GRID2: variants seen among roughly 807,000 people sequenced by gnomAD.
GRID2 encodes glutamate receptor ionotropic, delta-2.
A neutral mutation model predicts 114.8 loss-of-function variants in GRID2; 33 were observed. That is an observed-to-expected ratio of 0.29 (90% CI 0.22 to 0.38). The LOEUF (loss-of-function observed/expected upper bound fraction) is 0.38. Among genes scored for constraint, GRID2 ranks in the 10% least tolerant of loss-of-function variants. The pLI is 1.00. For synonymous variants in GRID2, 505 were observed against 449.9 expected, an observed-to-expected ratio of 1.12 and a Z score of -1.55; for missense variants, 1,184 against 1,257.7, an observed-to-expected ratio of 0.94 and a Z score of 0.89.
chr4:92,750,165 C>T (rs539008003), intron 2 of GRID2, among the ~76,000 whole-genome samples: 2 of 152,088 alleles, frequency 1.3e-5, no homozygotes, highest in Non-Finnish European at 2.9e-5. Context: ...CTGGCCCGGG[C>T]GCCTCACATT....
chr4:92,620,266 G>C (rs1730205518), intron 2 of GRID2, among the ~76,000 whole-genome samples: 1 of 151,702 alleles, frequency 6.6e-6, no homozygotes, highest in South Asian at 2.1e-4. Context: ...TCAGGGAAAA[G>C]AAAATAGCTG....
chr4:93,175,363 G>T (rs1261448057), intron 4 of GRID2, among the ~76,000 whole-genome samples: 1 of 152,038 alleles, frequency 6.6e-6, no homozygotes, highest in Admixed American at 6.6e-5. Flanking sequence ...TACAGACGAG[G>T]TTTCATCATG....
intron 13 of GRID2, among the ~76,000 whole-genome samples, chr4:93,595,734 G>T (rs974906541): frequency 2.0e-5 from 3 of 152,076 alleles, no homozygotes; most frequent in Non-Finnish European, 4.4e-5. Context: ...TAATATTACC[G>T]TGAAAATATT....
intron 8 of GRID2, among the ~76,000 whole-genome samples, chr4:93,250,083 T>C (rs184404593): frequency 1.1e-4 from 16 of 152,230 alleles, no homozygotes; most frequent in African/African-American, 3.6e-4. Flanking sequence ...TAGCAAAGAT[T>C]TGGAACTAGC....
chr4:93,128,877 T>A (rs1734540663), intron 4 of GRID2, among the ~76,000 whole-genome samples: 1 of 152,126 alleles, frequency 6.6e-6, no homozygotes, highest in Non-Finnish European at 1.5e-5. Context: ...ATTTGATGAG[T>A]AGAACTTACG....
At chr4:92,555,432 A>G (rs1726805370) in intron 1 of GRID2, among the ~76,000 whole-genome samples, 1 of 152,188 alleles carries the variant, frequency 6.6e-6, no homozygotes, top group Non-Finnish European at 1.5e-5. Flanking sequence ...CTTCAATTTC[A>G]TTAAGGATAG....
intron 8 of GRID2, among the ~76,000 whole-genome samples, chr4:93,331,533 T>G (rs1758455061): frequency 6.6e-6 from 1 of 152,042 alleles, no homozygotes; most frequent in Non-Finnish European, 1.5e-5. Context: ...ATTTGTTATG[T>G]GTATTATCTG....
intron 1 of GRID2, among the ~76,000 whole-genome samples, chr4:92,423,742 T>G (rs1579335080): frequency 6.6e-6 from 1 of 152,186 alleles, no homozygotes. Flanking sequence ...CAGAGGGTAG[T>G]TGGGTGCAAG....
intron 2 of GRID2, among the ~76,000 whole-genome samples, chr4:93,050,810 C>A (rs1726639917): frequency 6.6e-6 from 1 of 151,944 alleles, no homozygotes. Flanking sequence ...CCTTCCACTG[C>A]AAACAAATAA....
intron 2 of GRID2, among the ~76,000 whole-genome samples, chr4:92,920,661 T>C (rs1749240738): frequency 1.3e-5 from 2 of 152,228 alleles, no homozygotes; most frequent in East Asian, 1.9e-4. Context: ...TCTTTAAGAA[T>C]GTTGAATATT....
chr4:92,454,099 TA>T (rs1369239283), intron 1 of GRID2, among the ~76,000 whole-genome samples: 1 of 148,850 alleles, frequency 6.7e-6, no homozygotes, highest in African/African-American at 2.4e-5. Context: ...TTTACTTTTT[TA>T]GAGAAATATA....
At chr4:93,540,198 G>A (rs551910238) in intron 13 of GRID2, among the ~76,000 whole-genome samples, 2 of 151,842 alleles carry the variant, frequency 1.3e-5, no homozygotes, top group South Asian at 2.1e-4. Flanking sequence ...TCCTTTGAAT[G>A]TTGTATTTTC....
chr4:92,675,524 G>T (rs1287789968), intron 2 of GRID2, among the ~76,000 whole-genome samples: 2 of 150,630 alleles, frequency 1.3e-5, no homozygotes, highest in African/African-American at 4.9e-5. Flanking sequence ...TGCCCACTAA[G>T]AAACACCAGT....
At chr4:93,220,571 T>C (rs1744758910) in intron 6 of GRID2, among the ~76,000 whole-genome samples, 1 of 152,162 alleles carries the variant, frequency 6.6e-6, no homozygotes, top group Admixed American at 6.6e-5. Flanking sequence ...TCTCCAAATA[T>C]TCAAACAAAA....
intron 8 of GRID2, among the ~76,000 whole-genome samples, chr4:93,271,428 A>G: frequency 6.6e-6 from 1 of 152,192 alleles, no homozygotes; most frequent in Middle Eastern, 3.2e-3. Flanking sequence ...TGAGGGAGCC[A>G]GCAATCCCGG....
chr4:92,335,193 G>A (rs1016538403), intron 1 of GRID2, among the ~76,000 whole-genome samples: 3 of 152,184 alleles, frequency 2.0e-5, no homozygotes, highest in Non-Finnish European at 4.4e-5. Flanking sequence ...TTAGCATCAA[G>A]CTACACCCTT....
At chr4:93,238,541 C>A in intron 8 of GRID2, 51 bp downstream of exon 8, 1 of 1,538,532 alleles carries the variant, frequency 6.5e-7, no homozygotes, top group Non-Finnish European at 8.9e-7. Context: ...TATGGTTTTG[C>A]TTGATTGTTT....
At chr4:92,753,104 G>T (rs903659352) in intron 2 of GRID2, among the ~76,000 whole-genome samples, 1 of 152,106 alleles carries the variant, frequency 6.6e-6, no homozygotes, top group Admixed American at 6.5e-5. Context: ...TATTACAAAT[G>T]TAAGTAATAC....
At chr4:92,761,962 C>CAA (rs1738031250) in intron 2 of GRID2, among the ~76,000 whole-genome samples, 1 of 152,172 alleles carries the variant, frequency 6.6e-6, no homozygotes, top group Non-Finnish European at 1.5e-5. Flanking sequence ...GAGAGTCTCG[C>CAA]TCTGTCTCCA....
Sources: gnomAD v4.1 joint callset for allele counts (sites outside exome capture counted in the v4.1 genomes callset) on GRCh38, gnomAD v4.1.1 for gene constraint, MANE v1.5 for transcripts, NCBI Gene and HGNC (gene_info 2026-07-23, HGNC 2026-07-21) for gene names.